The following DLG5 variants were observed in gnomAD, a reference collection of about 807,000 sequenced individuals.
DLG5 encodes disks large homolog 5.
Under a neutral mutation model 189.8 loss-of-function variants are expected in DLG5, and 48 were observed. That is an observed-to-expected ratio of 0.25 (90% confidence interval 0.20 to 0.32). DLG5 has a LOEUF of 0.32. Ranked by LOEUF, DLG5 falls within the 10% of genes least tolerant of loss-of-function variation. The probability of loss-of-function intolerance (pLI) is 1.00; values close to 1 mark genes in which losing one functional copy is unlikely to be tolerated. For missense variants in DLG5, 2,160 were observed against 2,544.7 expected (o/e 0.85, Z 3.25); for synonymous variants, 1,016 against 1,054.1 (o/e 0.96, Z 0.70).
chr10:77,820,691 C>A (rs531204403), intron 15 of DLG5: 3 of 229,004 alleles, frequency 1.3e-5, no homozygotes, highest in East Asian at 1.0e-4. Flanking sequence ...AGCAATCTCA[C>A]CCTTCTGGAA....
chr10:77,874,156 C>T (rs1589242604), intron 1 of DLG5, among the ~76,000 whole-genome samples: 1 of 152,244 alleles, frequency 6.6e-6, no homozygotes, highest in Admixed American at 6.5e-5. Context: ...GCTCAAGAGC[C>T]TGGAGGTTAC....
At chr10:77,842,642 G>C (rs1380941049) in intron 6 of DLG5, among the ~76,000 whole-genome samples, 1 of 152,204 alleles carries the variant, frequency 6.6e-6, no homozygotes, top group Admixed American at 6.5e-5. Flanking sequence ...TTCCAGGCCG[G>C]GGGACATCTT....
chr10:77,830,269 C>T lies in DLG5; in HGVS notation c.1957G>A (p.Gly653Ser). Residue 653 changes from glycine (G) to serine (S), a missense_variant, in exon 11 of 32, where the codon GGC (glycine) becomes AGC (serine). By Grantham distance (56) the Gly-to-Ser change is moderately conservative. Transcript: ENST00000372391. Reference sequence around the variant, plus strand: ...TTGTCCACTTTAGTGACAAATATGCCACAGTCCCCCGGGAAACAAGGCTCA... The same window carrying T: ...TTGTCCACTTTAGTGACAAATATGCTACAGTCCCCCGGGAAACAAGGCTCA... ...VNEPCFPGDC[G>S]IFVTKVDKGS... 1 of 1,614,186 alleles carries T rather than the reference C, an allele frequency of 6.2e-7. No homozygotes were observed. The highest frequency in any genetic ancestry group is 8.5e-7 in the Non-Finnish European group (1 of 1,180,034).
chr10:77,811,895 C>G (rs1338575074), intron 22 of DLG5, 29 bp downstream of exon 22: 1 of 1,588,262 alleles, frequency 6.3e-7, no homozygotes, highest in Non-Finnish European at 8.5e-7. Context: ...CACCCCCAGC[C>G]CAGACGGCCC....
intron 5 of DLG5, chr10:77,846,675 C>G (rs768508828): frequency 2.2e-6 from 1 of 455,776 alleles, no homozygotes; most frequent in South Asian, 1.6e-5. Flanking sequence ...CCAGCCTTGG[C>G]GACAGAGAAA....
intron 7 of DLG5, among the ~76,000 whole-genome samples, chr10:77,839,498 CT>C (rs1405583180): frequency 6.6e-6 from 1 of 152,032 alleles, no homozygotes; most frequent in East Asian, 1.9e-4. Context: ...GAAACCACAT[CT>C]CAAAAAAAGA....
chr10:77,931,438 CAG>C (rs1339361623), upstream of DLG5, among the ~76,000 whole-genome samples: 1 of 151,484 alleles, frequency 6.6e-6, no homozygotes, highest in Non-Finnish European at 1.5e-5. Flanking sequence ...TTTGTAGAGA[CAG>C]AGTCTCGTTA....
chr10:77,938,529 G>A, the DLG5 span, among the ~76,000 whole-genome samples: 4 of 152,196 alleles, frequency 2.6e-5, no homozygotes, highest in African/African-American at 9.6e-5. Flanking sequence ...ATTGTCCTCA[G>A]GAACTCTCCA....
intron 1 of DLG5, chr10:77,912,173 C>G (rs1304073427): frequency 7.4e-6 from 1 of 135,140 alleles, no homozygotes; most frequent in East Asian, 2.2e-4. Context: ...TCAATCATGA[C>G]AGCATGGGCA....
upstream of DLG5, among the ~76,000 whole-genome samples, chr10:77,931,118 C>T (rs181058247): frequency 1.3e-5 from 2 of 152,044 alleles, no homozygotes; most frequent in African/African-American, 2.4e-5. Flanking sequence ...CCACACCTGG[C>T]CTTAATTTTT....
At chr10:77,878,012 A>T (rs1184848822) in intron 1 of DLG5, among the ~76,000 whole-genome samples, 1 of 152,216 alleles carries the variant, frequency 6.6e-6, no homozygotes, top group Admixed American at 6.5e-5. Context: ...TAAACTTCTG[A>T]TAAGCCCCAG....
At chr10:77,829,269 G>A (rs1842790097) in intron 12 of DLG5, 86 bp downstream of exon 12, 1 of 1,559,920 alleles carries the variant, frequency 6.4e-7, no homozygotes, top group Non-Finnish European at 8.8e-7. Context: ...TGTGAATGAG[G>A]TGCTCTAAGG....
At chr10:77,868,474 T>C in intron 2 of DLG5, 2 of 291,708 alleles carry the variant, frequency 6.9e-6, no homozygotes, top group Non-Finnish European at 1.3e-5. Flanking sequence ...TTTCCCCATC[T>C]CTCTGCAGAG....
At chr10:77,799,924 T>C (rs1185118943) in intron 27 of DLG5, among the ~76,000 whole-genome samples, 1 of 152,058 alleles carries the variant, frequency 6.6e-6, no homozygotes, top group Non-Finnish European at 1.5e-5. Flanking sequence ...GGTATTTGGT[T>C]ACAGCAGCCC....
chr10:77,794,771 C>A (rs1312239513), intron 30 of DLG5, 78 bp downstream of exon 30: 2 of 1,151,358 alleles, frequency 1.7e-6, no homozygotes, highest in Admixed American at 1.9e-5. Context: ...CCCACCCCAA[C>A]ACACCCTGCT....
At chr10:77,883,638 G>A (rs946434935) in intron 1 of DLG5, among the ~76,000 whole-genome samples, 1 of 151,710 alleles carries the variant, frequency 6.6e-6, no homozygotes, top group African/African-American at 2.4e-5. Context: ...AAAAACAGAG[G>A]AGAGGGCTGG....
chr10:77,817,797 A>G lies in DLG5; in HGVS notation c.3764T>C (p.Leu1255Pro), dbSNP rs1156320124. The G allele has an allele frequency of 6.4e-7, 1 of 1,554,780 alleles. No individual in the cohort carries two copies. The highest frequency in any genetic ancestry group is 2.4e-5 in the East Asian group (1 of 41,292). Residue 1255 changes from leucine to proline, a missense_variant, in exon 18 of 32, where the codon CTG becomes CCG. Physicochemically the swap from Leu to Pro is moderately conservative, Grantham distance 98. Transcript: ENST00000372391. ...GTTACCCAGGCGGGCGCTGGAGGGC[A>G]GTGAGTTGGACCCATGGGTGGCTCT... ...EMRATHGSNS[L>P]PSSARLGSSS...
intron 20 of DLG5, chr10:77,816,054 T>C (rs1842033782): frequency 2.2e-6 from 1 of 455,460 alleles, no homozygotes; most frequent in Non-Finnish European, 4.4e-6. Flanking sequence ...GTATATTTTA[T>C]TTCACAACAG....
intron 24 of DLG5, among the ~76,000 whole-genome samples, chr10:77,808,562 G>A (rs1368691187): frequency 6.6e-6 from 1 of 152,148 alleles, no homozygotes; most frequent in Admixed American, 6.6e-5. Flanking sequence ...ACCAAACCCA[G>A]CCCAACTTGT....
Sources: allele counts gnomAD v4.1 joint callset (sites outside exome capture counted in the v4.1 genomes callset), GRCh38; gene constraint gnomAD v4.1.1; transcripts MANE v1.5; gene names NCBI Gene and HGNC (gene_info 2026-07-23, HGNC 2026-07-21).